NHSL2: variants seen among roughly 807,000 people sequenced by gnomAD.
NHSL2 encodes NHS-like protein 2.
NHSL2 carries 27 observed loss-of-function variants against 53.4 expected under a neutral mutation model. The observed-to-expected ratio is 0.51, with a 90% CI of 0.37 to 0.70. NHSL2 has a LOEUF of 0.70. Ranked by LOEUF, NHSL2 falls within the 30% of genes least tolerant of loss-of-function variation. NHSL2 has a pLI of 0.00. For synonymous variants in NHSL2, 408 were observed against 404.1 expected (o/e 1.01, Z -0.12); for missense variants, 892 against 980.1 (o/e 0.91, Z 1.20).
intron 1 of NHSL2, among the ~76,000 whole-genome samples, chrX:72,008,018 A>G (rs1316336631): frequency 8.9e-6 from 1 of 112,964 alleles, no homozygotes; most frequent in Non-Finnish European, 1.9e-5. Flanking sequence ...CTGAGAATCA[A>G]CACTGTGCAC....
chrX:72,091,824 A>C (rs1021157296), intron 1 of NHSL2, among the ~76,000 whole-genome samples: 2 of 111,739 alleles, frequency 1.8e-5, no homozygotes, highest in Non-Finnish European at 3.8e-5. Context: ...TAGAGTGTCA[A>C]AAGAGATTCT....
intron 1 of NHSL2, among the ~76,000 whole-genome samples, chrX:72,036,049 C>G (rs2042239906): frequency 8.9e-6 from 1 of 112,102 alleles, no homozygotes; most frequent in African/African-American, 3.2e-5. Context: ...TAACTAATGC[C>G]TGATAACCTG....
At chrX:72,050,786 G>A (rs1346517099) in intron 1 of NHSL2, among the ~76,000 whole-genome samples, 1 of 110,309 alleles carries the variant, frequency 9.1e-6, no homozygotes, top group Non-Finnish European at 1.9e-5. Context: ...CTACTCAGGA[G>A]GCTGAGGCAG....
intron 6 of NHSL2, 119 bp downstream of exon 6, chrX:72,140,890 G>A (rs966420484): frequency 1.6e-6 from 1 of 632,664 alleles, no homozygotes; most frequent in Non-Finnish European, 2.4e-6. Context: ...AGTCAGTAGC[G>A]GGCACCCTTT....
At chrX:71,937,265 AG>A (rs986738303) in intron 1 of NHSL2, among the ~76,000 whole-genome samples, 53 of 111,571 alleles carry the variant, frequency 4.8e-4, no homozygotes, top group Middle Eastern at 4.6e-3. Flanking sequence ...AATTTGAGAG[AG>A]GGGGCTGTAG....
At chrX:71,939,094 C>T (rs1349227940) in intron 1 of NHSL2, among the ~76,000 whole-genome samples, 1 of 111,981 alleles carries the variant, frequency 8.9e-6, no homozygotes, top group Non-Finnish European at 1.9e-5. Flanking sequence ...CAAGGCCAGC[C>T]TCCTAGAGGA....
intron 1 of NHSL2, among the ~76,000 whole-genome samples, chrX:71,969,756 C>A (rs1006180968): frequency 8.9e-6 from 1 of 112,481 alleles, no homozygotes; most frequent in Non-Finnish European, 1.9e-5. Context: ...CCTTTTTAAT[C>A]TGTATGCCTT....
chrX:72,123,859 G>A (rs752552900), intron 1 of NHSL2, among the ~76,000 whole-genome samples: 2 of 109,996 alleles, frequency 1.8e-5, no homozygotes, highest in Admixed American at 1.9e-4. Context: ...TTGCTGAGGC[G>A]AGGGGCCCCG....
intron 1 of NHSL2, among the ~76,000 whole-genome samples, chrX:72,067,490 T>A (rs769164163): frequency 8.9e-5 from 10 of 111,971 alleles, no homozygotes; most frequent in Non-Finnish European, 1.7e-4. Context: ...AGTCCATGTT[T>A]ACAACCTTGA....
chrX:71,964,041 A>ATATG (rs1569467147), intron 1 of NHSL2, among the ~76,000 whole-genome samples: 2 of 9,816 alleles, frequency 2.0e-4, no homozygotes, highest in African/African-American at 3.9e-4. Flanking sequence ...ATATATATAT[A>ATATG]TGTATATATA....
chrX:71,987,595 CTG>C (rs2042008835), intron 1 of NHSL2, among the ~76,000 whole-genome samples: 1 of 112,678 alleles, frequency 8.9e-6, no homozygotes, highest in South Asian at 3.6e-4. Flanking sequence ...ACCTTTAAAA[CTG>C]TTTTTATTTC....
chrX:72,124,534 T>C (rs2042207152), intron 1 of NHSL2, among the ~76,000 whole-genome samples: 1 of 112,078 alleles, frequency 8.9e-6, no homozygotes, highest in Non-Finnish European at 1.9e-5. Flanking sequence ...CCCAAAGCTC[T>C]ATGCTGCTCT....
intron 1 of NHSL2, chrX:72,044,621 G>T: frequency 8.8e-7 from 1 of 1,139,142 alleles, no homozygotes. Context: ...TGCACTAACT[G>T]TGTCCGATGC....
At position 71,911,301 on chromosome X, in the gene NHSL2, AC is replaced by A. The variant is rs1365342937; in HGVS notation, c.216del (p.Val73CysfsTer21). ...GRRTDSLYRR[T>X]VRLRRRLPCR... ...CCGCACAGACAGCCTGTACCGGCGC[AC>A]CGTGCGCCTCCGCCGCCGCCTTCCC... On this transcript the variant is annotated frameshift_variant, in exon 1 of 8. Transcript: ENST00000633930. LOFTEE classifies it high-confidence loss of function. 11 of 1,130,802 alleles carry A rather than the reference AC, an allele frequency of 9.7e-6. No individual in the cohort carries two copies. The highest frequency in any genetic ancestry group is 1.3e-5 in the Non-Finnish European group (11 of 858,334). The allele number at this position is 1,130,802 out of a possible 1,213,427, so 93.2% of individuals were successfully genotyped here.
chrX:71,986,541 A>T (rs1416005734), intron 1 of NHSL2, among the ~76,000 whole-genome samples: 1 of 112,121 alleles, frequency 8.9e-6, no homozygotes, highest in Admixed American at 9.5e-5. Context: ...TTATCTTTTC[A>T]TATTATGTAA....
chrX:72,050,763 C>T (rs958071415), intron 1 of NHSL2, among the ~76,000 whole-genome samples: 1 of 110,415 alleles, frequency 9.1e-6, no homozygotes, highest in African/African-American at 3.3e-5. Context: ...GTGTCACACG[C>T]CTGTAATCCC....
At chrX:72,086,948 G>C (rs745723843) in intron 1 of NHSL2, among the ~76,000 whole-genome samples, 10 of 111,659 alleles carry the variant, frequency 9.0e-5, no homozygotes, top group African/African-American at 3.3e-4. Flanking sequence ...TGAAAACAGA[G>C]ACTTGAACAG....
chrX:72,048,987 G>A (rs868296481), intron 1 of NHSL2, among the ~76,000 whole-genome samples: 12 of 35,538 alleles, frequency 3.4e-4, no homozygotes, highest in African/African-American at 4.2e-4. Context: ...GAAGAAGGAG[G>A]AGAAGAAGAA....
At chrX:71,989,458 C>T (rs756569166) in intron 1 of NHSL2, among the ~76,000 whole-genome samples, 9 of 110,362 alleles carry the variant, frequency 8.2e-5, no homozygotes, top group East Asian at 2.8e-4. Flanking sequence ...TAATCCTTAT[C>T]GTAGTCCTGG....
Sources: allele counts gnomAD v4.1 joint callset (sites outside exome capture counted in the v4.1 genomes callset), GRCh38; gene constraint gnomAD v4.1.1; transcripts MANE v1.5; gene names NCBI Gene and HGNC (gene_info 2026-07-23, HGNC 2026-07-21).